DLG2: variants seen among roughly 807,000 people sequenced by gnomAD.
DLG2 encodes discs large MAGUK scaffold protein 2, also known as disks large homolog 2.
A neutral mutation model predicts 132.5 loss-of-function variants in DLG2; 45 were observed. The observed-to-expected ratio is 0.34, with a 90% CI of 0.27 to 0.44. DLG2 has a LOEUF of 0.44. DLG2 is among the 20% of genes least tolerant of loss of function. The probability of loss-of-function intolerance (pLI) is 1.00; values close to 1 mark genes in which losing one functional copy is unlikely to be tolerated. For missense variants in DLG2, 1,045 were observed against 1,196.9 expected (o/e 0.87, Z 1.87); for synonymous variants, 424 against 419.6 (o/e 1.01, Z -0.13).
chr11:83,755,341 T>C (rs1405305732), intron 18 of DLG2, among the ~76,000 whole-genome samples: 1 of 151,140 alleles, frequency 6.6e-6, no homozygotes, highest in Non-Finnish European at 1.5e-5. Flanking sequence ...AGAACTCAAG[T>C]AAATCTGTGG....
At chr11:84,823,611 A>T (rs1052271502) in intron 6 of DLG2, among the ~76,000 whole-genome samples, 25 of 151,048 alleles carry the variant, frequency 1.7e-4, no homozygotes, top group African/African-American at 6.1e-4. Flanking sequence ...ACACACACAC[A>T]CACACACACA....
At position 84,928,982 on chromosome 11, in the gene DLG2, G is replaced by GTATATATATATATA. The variant is rs58945482; in HGVS notation, c.357+182665_357+182678dup. Among the ~76,000 whole-genome samples the GTATATATATATATA allele has an allele frequency of 7.1e-4, 35 of 49,100 alleles. 1 individual carries two copies. Among genetic ancestry groups the GTATATATATATATA allele is most frequent in the African/African-American group, 1.5e-3 (17 of 11,102 alleles). 32.2% of individuals were successfully genotyped at this position (49,100 alleles called of 152,430 possible). ...TATGTGTGTGTGTGTGTGTGTGTGT[G>GTATATATATATATA]TATATATATATATATATATATATAT... On this transcript the variant is annotated intron_variant, in intron 6 of 27. Coordinates refer to ENST00000376104, the MANE Select transcript of DLG2 (RefSeq NM_001142699.3).
At chr11:85,098,427 C>T (rs1192674280) in intron 6 of DLG2, among the ~76,000 whole-genome samples, 1 of 152,128 alleles carries the variant, frequency 6.6e-6, no homozygotes, top group African/African-American at 2.4e-5. Flanking sequence ...AGACCTCAAG[C>T]TTTCAGAGAG....
At chr11:85,374,642 GC>G (rs2085259586) in intron 3 of DLG2, among the ~76,000 whole-genome samples, 1 of 152,094 alleles carries the variant, frequency 6.6e-6, no homozygotes, top group African/African-American at 2.4e-5. Flanking sequence ...AGCCACTGCA[GC>G]GGGTCAAATA....
At chr11:84,185,073 T>C (rs2096247515) in intron 8 of DLG2, among the ~76,000 whole-genome samples, 1 of 152,166 alleles carries the variant, frequency 6.6e-6, no homozygotes, top group South Asian at 2.1e-4. Flanking sequence ...TGGTTCCATA[T>C]GAACTTTAAA....
chr11:83,500,330 C>T (rs1233580665), intron 21 of DLG2, among the ~76,000 whole-genome samples: 1 of 152,092 alleles, frequency 6.6e-6, no homozygotes, highest in African/African-American at 2.4e-5. Context: ...ATTCTGAACA[C>T]AGGGCTTTGG....
intron 3 of DLG2, among the ~76,000 whole-genome samples, chr11:85,556,139 C>T (rs149213186): frequency 4.1e-4 from 63 of 151,874 alleles, no homozygotes; most frequent in African/African-American, 1.5e-3. Context: ...TTGAAATTGG[C>T]ATTATATGGT....
intron 18 of DLG2, among the ~76,000 whole-genome samples, chr11:83,783,219 C>G (rs1049596097): frequency 3.3e-5 from 5 of 151,998 alleles, no homozygotes; most frequent in Admixed American, 6.6e-5. Context: ...TACCATGAAC[C>G]AGACACTGAA....
At chr11:84,776,374 C>G (rs1317123577) in intron 6 of DLG2, among the ~76,000 whole-genome samples, 3 of 152,014 alleles carry the variant, frequency 2.0e-5, no homozygotes, top group Non-Finnish European at 4.4e-5. Context: ...CCAGGCTGGT[C>G]TTGAACTCCT....
At chr11:83,793,913 T>C (rs2042166125) in intron 17 of DLG2, among the ~76,000 whole-genome samples, 1 of 152,102 alleles carries the variant, frequency 6.6e-6, no homozygotes, top group African/African-American at 2.4e-5. Context: ...GAACACAACA[T>C]TTTAGGAGTA....
chr11:85,020,870 GTCCCCC>G, intron 6 of DLG2: 1 of 762,648 alleles, frequency 1.3e-6, no homozygotes, highest in Non-Finnish European at 2.4e-6. Flanking sequence ...CATCCAGTAG[GTCCCCC>G]TCCTCAGCAG....
In DLG2 at chr11:85,270,587, T is replaced by C. The variant is rs897888431; in HGVS notation, c.186+14633A>G. ...GAGGGCTCAGAAGAAGAGAGGAAAA[T>C]GTGGGAAAGTTTGGAACTCCCTAGA... On this transcript the variant is annotated intron_variant, in intron 4 of 27. Coordinates refer to ENST00000376104, the MANE Select transcript of DLG2 (RefSeq NM_001142699.3). Among the ~76,000 whole-genome samples the C allele has an allele frequency of 4.6e-5, 7 of 151,932 alleles. 1 individual carries two copies. The highest frequency in any genetic ancestry group is 2.0e-4 in the Admixed American group (3 of 15,254).
intron 11 of DLG2, among the ~76,000 whole-genome samples, chr11:84,004,707 A>G (rs753191866): frequency 1.1e-4 from 16 of 152,158 alleles, no homozygotes; most frequent in Non-Finnish European, 1.9e-4. Flanking sequence ...AATACCTAGG[A>G]ACAGATTTAA....
At chr11:85,218,175 AC>A (rs757151413) in intron 4 of DLG2, among the ~76,000 whole-genome samples, 2 of 152,190 alleles carry the variant, frequency 1.3e-5, no homozygotes, top group Non-Finnish European at 2.9e-5. Context: ...AGGAATTGCA[AC>A]AAAAACAAAA....
intron 4 of DLG2, among the ~76,000 whole-genome samples, chr11:85,191,179 C>T (rs1278699748): frequency 6.6e-6 from 1 of 150,768 alleles, no homozygotes; most frequent in Non-Finnish European, 1.5e-5. Context: ...CACACACACA[C>T]ACACACACAC....
At chr11:85,500,230 T>A (rs1299739286) in intron 3 of DLG2, among the ~76,000 whole-genome samples, 2 of 152,094 alleles carry the variant, frequency 1.3e-5, no homozygotes, top group African/African-American at 4.8e-5. Context: ...CCTAAGTTAA[T>A]AAGCAACTTC....
intron 6 of DLG2, among the ~76,000 whole-genome samples, chr11:84,821,818 G>C (rs1157355446): frequency 6.6e-6 from 1 of 151,710 alleles, no homozygotes; most frequent in African/African-American, 2.4e-5. Flanking sequence ...TTGTCTTACT[G>C]AATATAGATA....
intron 15 of DLG2, among the ~76,000 whole-genome samples, chr11:83,903,491 A>G (rs1007073483): frequency 6.6e-6 from 1 of 152,136 alleles, no homozygotes; most frequent in African/African-American, 2.4e-5. Flanking sequence ...TCAGTCTCAG[A>G]AAATGTTTCT....
intron 7 of DLG2, among the ~76,000 whole-genome samples, chr11:84,474,129 C>T (rs1405298325): frequency 6.6e-6 from 1 of 151,970 alleles, no homozygotes; most frequent in Non-Finnish European, 1.5e-5. Flanking sequence ...TTCTCACAAT[C>T]CCATTTCTGA....
Sources: gnomAD v4.1 joint callset for allele counts (sites outside exome capture counted in the v4.1 genomes callset) on GRCh38, gnomAD v4.1.1 for gene constraint, MANE v1.5 for transcripts, NCBI Gene and HGNC (gene_info 2026-07-23, HGNC 2026-07-21) for gene names.